NTF3: variants seen among roughly 807,000 people sequenced by gnomAD.
NTF3 encodes the protein neurotrophin 3.
NTF3 carries 8 observed loss-of-function variants against 26.3 expected under a neutral mutation model. That is an observed-to-expected ratio of 0.30 (90% CI 0.18 to 0.55). The LOEUF (loss-of-function observed/expected upper bound fraction) is 0.55. Ranked by LOEUF, NTF3 falls within the 20% of genes least tolerant of loss-of-function variation. The pLI is 0.93. For synonymous variants in NTF3, 154 were observed against 145.5 expected (o/e 1.06, Z -0.42); for missense variants, 276 against 352.9 (o/e 0.78, Z 1.75).
chr12:5,461,685 TC>T (rs1462239864), intron 1 of NTF3, among the ~76,000 whole-genome samples: 2 of 152,110 alleles, frequency 1.3e-5, no homozygotes, highest in Non-Finnish European at 2.9e-5. Context: ...ATAATGATTG[TC>T]CCAGGGAAGT....
chr12:5,477,854 T>C (rs1445951509), intron 1 of NTF3, among the ~76,000 whole-genome samples: 1 of 152,194 alleles, frequency 6.6e-6, no homozygotes, highest in African/African-American at 2.4e-5. Context: ...CACAGATATT[T>C]TCCTGCCTCT....
intron 1 of NTF3, among the ~76,000 whole-genome samples, chr12:5,487,235 C>T (rs1940877830): frequency 6.6e-6 from 1 of 152,212 alleles, no homozygotes. Flanking sequence ...ACCTTCCTCC[C>T]TGGAGCGGCT....
Position 5,432,353 on chromosome 12 carries a change from G to A in NTF3, c.18+11G>A. On this transcript the variant is annotated intron_variant, in intron 1 of 1. Transcript: ENST00000423158. ...GTTACTTTTGCCACGGTAAGGGGAG[G>A]CGGCGGGCACCTTGGGTGGGCAGGT... is the stretch of plus-strand genomic sequence containing the variant. The A allele has an allele frequency of 6.2e-7, 1 of 1,612,600 alleles. No individual in the cohort carries two copies. Among genetic ancestry groups the A allele is most frequent in the Non-Finnish European group, 8.5e-7 (1 of 1,179,698 alleles).
chr12:5,467,153 C>T (rs1940600639), intron 1 of NTF3, among the ~76,000 whole-genome samples: 1 of 140,634 alleles, frequency 7.1e-6, no homozygotes, highest in Non-Finnish European at 1.5e-5. Context: ...TGCTTGAACC[C>T]AGGAAGTGAA....
rs1031381468 is a variant in NTF3, at chr12:5,433,054, A to T, written c.18+712A>T. ...TGGGACTCACTGCCACGCGCCGCGTACCTGCGTTGGAGTTCCCCGAAAGGG... is the reference window on the plus strand; with the variant it reads ...TGGGACTCACTGCCACGCGCCGCGTTCCTGCGTTGGAGTTCCCCGAAAGGG... On this transcript the variant is annotated intron_variant, in intron 1 of 1. Coordinates refer to ENST00000423158, the MANE Select transcript of NTF3 (RefSeq NM_001102654.2). The surrounding 1 kb of genome is among the most constrained non-coding windows in gnomAD (Gnocchi z 4.6). 1 of 152,250 alleles carries T rather than the reference A, an allele frequency of 6.6e-6. No homozygotes were observed. Among genetic ancestry groups the T allele is most frequent in the Admixed American group, 6.5e-5 (1 of 15,286 alleles). 9.4% of individuals were successfully genotyped at this position (152,250 alleles called of 1,614,324 possible).
At chr12:5,440,196 A>G (rs990096601) in intron 1 of NTF3, among the ~76,000 whole-genome samples, 5 of 152,352 alleles carry the variant, frequency 3.3e-5, no homozygotes, top group Admixed American at 6.5e-5. Context: ...TTGCTTAAAC[A>G]TATTTGCATG....
intron 1 of NTF3, among the ~76,000 whole-genome samples, chr12:5,451,276 T>A (rs1940370042): frequency 6.6e-6 from 1 of 152,222 alleles, no homozygotes; most frequent in African/African-American, 2.4e-5. Flanking sequence ...AGTTAATATA[T>A]TTAGTTCTTT....
Position 5,434,270 on chromosome 12 carries a change from G to T in NTF3, c.18+1928G>T, listed in dbSNP as rs190844270. Among the ~76,000 whole-genome samples the T allele has an allele frequency of 5.6e-4, 85 of 152,316 alleles. 1 individual carries two copies. The highest frequency in any genetic ancestry group is 6.8e-3 in the Middle Eastern group (2 of 294). On this transcript the variant is annotated intron_variant, in intron 1 of 1. Transcript: ENST00000423158. Reference sequence around the variant, plus strand: ...GTAAGGGGGTTGGAAAATAATGCAGGCTCCGGTAGACAGTGTTGAAGGGAG... The same window carrying T: ...GTAAGGGGGTTGGAAAATAATGCAGTCTCCGGTAGACAGTGTTGAAGGGAG...
At chr12:5,475,914 AAG>A (rs936045463) in intron 1 of NTF3, among the ~76,000 whole-genome samples, 2 of 138,362 alleles carry the variant, frequency 1.4e-5, no homozygotes, top group Admixed American at 7.2e-5. Flanking sequence ...GAAAGAAAGA[AAG>A]AGAGAAAGAG....
chr12:5,450,531 G>A (rs1190209921), intron 1 of NTF3, among the ~76,000 whole-genome samples: 3 of 152,186 alleles, frequency 2.0e-5, no homozygotes, highest in African/African-American at 7.2e-5. Context: ...AATGGTTGCA[G>A]CCATTTCTTA....
upstream of NTF3, among the ~76,000 whole-genome samples, chr12:5,430,738 G>T (rs1940074628): frequency 6.6e-6 from 1 of 151,920 alleles, no homozygotes. Context: ...ACCGAAACGC[G>T]GAACGGCTTG....
At chr12:5,467,529 C>T (rs1216630865) in intron 1 of NTF3, among the ~76,000 whole-genome samples, 3 of 152,082 alleles carry the variant, frequency 2.0e-5, no homozygotes, top group African/African-American at 4.8e-5. Flanking sequence ...TTTATTATTT[C>T]GTTGATTGAT....
intron 1 of NTF3, among the ~76,000 whole-genome samples, chr12:5,450,501 C>T (rs1297819905): frequency 6.6e-6 from 1 of 152,224 alleles, no homozygotes; most frequent in Non-Finnish European, 1.5e-5. Flanking sequence ...TTCCCTATCA[C>T]ATTGCCTCTG....
At chr12:5,463,367 A>C (rs1225700653) in intron 1 of NTF3, among the ~76,000 whole-genome samples, 1 of 152,224 alleles carries the variant, frequency 6.6e-6, no homozygotes, top group Non-Finnish European at 1.5e-5. Flanking sequence ...TGAGAGGTAA[A>C]CAAATACACA....
At chr12:5,479,453 G>A (rs570249574) in intron 1 of NTF3, among the ~76,000 whole-genome samples, 5 of 152,320 alleles carry the variant, frequency 3.3e-5, no homozygotes, top group East Asian at 3.9e-4. Context: ...GTTTACAGCC[G>A]GATAAAGGAG....
chr12:5,437,690 G>A (rs1940186670), intron 1 of NTF3, among the ~76,000 whole-genome samples: 1 of 152,172 alleles, frequency 6.6e-6, no homozygotes, highest in South Asian at 2.1e-4. Context: ...TTCTGGCGTT[G>A]GGGATGTTGA....
At chr12:5,479,634 ACTCTGTGCC>A (rs947970464) in intron 1 of NTF3, among the ~76,000 whole-genome samples, 1 of 151,700 alleles carries the variant, frequency 6.6e-6, no homozygotes, top group African/African-American at 2.4e-5. Context: ...TCCCTCACCT[ACTCTGTGCC>A]CTGGATTTCT....
intron 1 of NTF3, among the ~76,000 whole-genome samples, chr12:5,441,405 A>T (rs1940234259): frequency 6.6e-6 from 1 of 152,222 alleles, no homozygotes; most frequent in Non-Finnish European, 1.5e-5. Context: ...TGGAGGATAT[A>T]TTCTGTACAA....
At chr12:5,453,714 C>T (rs778850779) in intron 1 of NTF3, among the ~76,000 whole-genome samples, 6 of 152,176 alleles carry the variant, frequency 3.9e-5, no homozygotes, top group African/African-American at 7.2e-5. Context: ...GATCTTTTTG[C>T]CAGCTGACCA....
Sources: gnomAD v4.1 joint callset for allele counts (sites outside exome capture counted in the v4.1 genomes callset) on GRCh38, gnomAD v4.1.1 for gene constraint, Gnocchi (gnomAD v3.1) non-coding constraint, MANE v1.5 for transcripts, NCBI Gene and HGNC (gene_info 2026-07-23, HGNC 2026-07-21) for gene names.